TXNRD1: variants seen among roughly 807,000 people sequenced by gnomAD.
TXNRD1 encodes the protein thioredoxin reductase 1, cytoplasmic.
Under a neutral mutation model 80.3 loss-of-function variants are expected in TXNRD1, and 57 were observed. The observed-to-expected ratio is 0.71, with a 90% CI of 0.57 to 0.89. The LOEUF (loss-of-function observed/expected upper bound fraction) is 0.89, where lower values mean the gene tolerates loss of function less well. Among genes scored for constraint, TXNRD1 ranks in the 40% least tolerant of loss-of-function variants. TXNRD1 has a pLI of 0.00. For synonymous variants in TXNRD1, 291 were observed against 285.2 expected, an observed-to-expected ratio of 1.02 and a Z score of -0.20; for missense variants, 730 against 803.0, an observed-to-expected ratio of 0.91 and a Z score of 1.10.
At chr12:104,266,467 A>G (rs1166490441) in intron 3 of TXNRD1, among the ~76,000 whole-genome samples, 1 of 144,418 alleles carries the variant, frequency 6.9e-6, no homozygotes, top group Non-Finnish European at 1.5e-5. Context: ...TGGAGGTTGC[A>G]GTGAGTTGAG....
At chr12:104,288,099 T>G (rs1428551052) in intron 3 of TXNRD1, among the ~76,000 whole-genome samples, 1 of 152,184 alleles carries the variant, frequency 6.6e-6, no homozygotes, top group Non-Finnish European at 1.5e-5. Flanking sequence ...CAAGCGATTC[T>G]CCTGCCTCAG....
Position 104,259,490 on chromosome 12 carries a change from CTT to C in TXNRD1, c.304+1428_304+1429del, listed in dbSNP as rs574276851. 3.4e-3 allele frequency among the ~76,000 whole-genome samples: 440 copies of C among 128,672 alleles called. 2 individuals carry two copies. The highest frequency in any genetic ancestry group is 0.012 in the African/African-American group (410 of 33,722). The allele number at this position is 128,672 out of a possible 152,430, so 84.4% of individuals were successfully genotyped here. On this transcript the variant is annotated intron_variant, in intron 3 of 16. Transcript: ENST00000525566. ...AACAATTGGCATATAAGTTTCATTT[CTT>C]TTTTTTTTTTTTTTTTGAGATGGAG...
At chr12:104,292,910 A>G (rs757422332) in intron 4 of TXNRD1, among the ~76,000 whole-genome samples, 2 of 152,192 alleles carry the variant, frequency 1.3e-5, no homozygotes, top group Non-Finnish European at 2.9e-5. Context: ...GGGGAGGAAC[A>G]CTTTTTGTTG....
At chr12:104,287,265 CG>C in intron 3 of TXNRD1, 1 of 1,613,860 alleles carries the variant, frequency 6.2e-7, no homozygotes. Flanking sequence ...TCTGAGCAGA[CG>C]GGGAGGCTTT....
At chr12:104,291,170 T>A (rs2034193589) in intron 4 of TXNRD1, 3 of 505,672 alleles carry the variant, frequency 5.9e-6, no homozygotes, top group Non-Finnish European at 3.5e-6. Flanking sequence ...AGCATATTTC[T>A]TAAGTAAACT....
At chr12:104,252,674 A>C (rs1199874432) in intron 2 of TXNRD1, among the ~76,000 whole-genome samples, 2 of 102,760 alleles carry the variant, frequency 1.9e-5, no homozygotes, top group African/African-American at 8.1e-5. Flanking sequence ...ATATATATAT[A>C]TATATATATA....
intron 3 of TXNRD1, among the ~76,000 whole-genome samples, chr12:104,281,000 G>C (rs990961230): frequency 1.3e-5 from 2 of 152,034 alleles, no homozygotes; most frequent in African/African-American, 4.8e-5. Context: ...TTTATTTCTA[G>C]CCTTGACTTC....
At chr12:104,286,969 G>C (rs2033987528) in intron 3 of TXNRD1, 2 of 1,230,928 alleles carry the variant, frequency 1.6e-6, no homozygotes, top group South Asian at 3.5e-5. Context: ...CCGCCCGCTC[G>C]GCGCAGGGCG....
Position 104,287,230 on chromosome 12 carries a change from G to C in TXNRD1, c.305-1701G>C, listed in dbSNP as rs952122814. ...CTGGGTGCAGCAGTGTGCGTCTCGG[G>C]GAAGGGAAGATATTTTAAGGCGTGT... On this transcript the variant is annotated intron_variant, in intron 3 of 16. Transcript: ENST00000525566. 1.9e-6 allele frequency: 3 copies of C among 1,612,324 alleles called. No individual in the cohort carries two copies. The African/African-American group carries it at 4.0e-5, about 22-fold the overall frequency.
chr12:104,263,113 A>C (rs955241954), intron 3 of TXNRD1, among the ~76,000 whole-genome samples: 1 of 152,208 alleles, frequency 6.6e-6, no homozygotes, highest in Non-Finnish European at 1.5e-5. Flanking sequence ...CCTGGCATTC[A>C]TGTCCTGTGT....
intron 9 of TXNRD1, among the ~76,000 whole-genome samples, chr12:104,319,807 A>G (rs1018192628): frequency 6.6e-6 from 1 of 152,248 alleles, no homozygotes; most frequent in Non-Finnish European, 1.5e-5. Flanking sequence ...TCATCTTGCT[A>G]CACAGAGTAT....
rs1260626415 is a variant in TXNRD1, at chr12:104,265,664, C to A, written c.304+7585C>A. 4.2e-5 allele frequency: 67 copies of A among 1,605,772 alleles called. No homozygotes were observed. In the East Asian group the frequency reaches 8.9e-4, roughly 21 times the overall value. ...CGAGACATGGGTGCCCGGCACCGCG[C>A]CCGAGCCCACTCCATTCAGATCATG... On this transcript the variant is annotated intron_variant, in intron 3 of 16. Transcript: ENST00000525566.
intron 3 of TXNRD1, among the ~76,000 whole-genome samples, chr12:104,268,982 G>A (rs1428289843): frequency 2.9e-5 from 4 of 138,216 alleles, no homozygotes; most frequent in African/African-American, 1.1e-4. Context: ...TCAACTCACT[G>A]CAACCTCTGC....
intron 13 of TXNRD1, 28 bp from the exon 14 acceptor site, chr12:104,331,506 A>T (rs780350696): frequency 1.3e-6 from 2 of 1,485,888 alleles, no homozygotes; most frequent in South Asian, 2.5e-5. Context: ...TTTGCCTATT[A>T]TAACTCCTTA....
At chr12:104,305,012 A>G in intron 4 of TXNRD1, 5 of 1,390,576 alleles carry the variant, frequency 3.6e-6, no homozygotes, top group Non-Finnish European at 4.8e-6. Context: ...ACTGAAGCAC[A>G]TATTGTATCT....
intron 15 of TXNRD1, among the ~76,000 whole-genome samples, chr12:104,335,205 T>C (rs766566633): frequency 0.025 from 3,696 of 147,256 alleles, 66 homozygotes; most frequent in Non-Finnish European, 0.041. Flanking sequence ...CAGTCCTTTT[T>C]TTTTTTTTTT....
intron 3 of TXNRD1, among the ~76,000 whole-genome samples, chr12:104,268,511 C>T (rs1282980160): frequency 2.0e-5 from 3 of 151,712 alleles, no homozygotes; most frequent in Non-Finnish European, 2.9e-5. Context: ...GGTGACAGAG[C>T]GAGACTCCGT....
At chr12:104,226,622 T>C (rs1210444908) in intron 1 of TXNRD1, among the ~76,000 whole-genome samples, 2 of 152,250 alleles carry the variant, frequency 1.3e-5, no homozygotes, top group African/African-American at 4.8e-5. Context: ...TATCCTTAAA[T>C]AGCTGTGTGA....
intron 3 of TXNRD1, among the ~76,000 whole-genome samples, chr12:104,260,076 G>A (rs2033333373): frequency 6.6e-6 from 1 of 152,178 alleles, no homozygotes; most frequent in African/African-American, 2.4e-5. Flanking sequence ...GCTCACGCCT[G>A]TAATCCCAGC....
Sources: gnomAD v4.1 joint callset for allele counts (sites outside exome capture counted in the v4.1 genomes callset) on GRCh38, gnomAD v4.1.1 for gene constraint, MANE v1.5 for transcripts, NCBI Gene and HGNC (gene_info 2026-07-23, HGNC 2026-07-21) for gene names.